ATP8B4: variants seen among roughly 807,000 people sequenced by gnomAD.
ATP8B4 encodes the protein probable phospholipid-transporting ATPase IM.
In ATP8B4, 133 loss-of-function variants were observed where a neutral mutation model predicts 145.6. The observed-to-expected ratio is 0.91, with a 90% CI of 0.79 to 1.05. ATP8B4 has a LOEUF of 1.05. Among genes scored for constraint, ATP8B4 ranks in the 50% least tolerant of loss-of-function variants. The probability of loss-of-function intolerance (pLI) is 0.00; values close to 1 mark genes in which losing one functional copy is unlikely to be tolerated. For missense variants in ATP8B4, 1,458 were observed against 1,425.2 expected (o/e 1.02, Z -0.37); for synonymous variants, 507 against 492.9 (o/e 1.03, Z -0.38).
At chr15:50,104,547 G>T (rs1182281098) in intron 2 of ATP8B4, among the ~76,000 whole-genome samples, 1 of 152,146 alleles carries the variant, frequency 6.6e-6, no homozygotes, top group Non-Finnish European at 1.5e-5. Context: ...CCTCCCTGCT[G>T]CAAGAAAGGC....
chr15:49,959,859 G>A (rs1028638136), intron 14 of ATP8B4, among the ~76,000 whole-genome samples: 7 of 151,912 alleles, frequency 4.6e-5, no homozygotes, highest in African/African-American at 1.5e-4. Flanking sequence ...ACATCATAAG[G>A]ATATTAACAC....
At chr15:50,043,411 A>AT (rs572656897) in intron 5 of ATP8B4, among the ~76,000 whole-genome samples, 132 of 151,984 alleles carry the variant, frequency 8.7e-4, no homozygotes, top group African/African-American at 3.0e-3. Flanking sequence ...TTATACACAG[A>AT]TTTTTTTTCT....
intron 20 of ATP8B4, among the ~76,000 whole-genome samples, chr15:49,906,603 T>A (rs1025203278): frequency 2.6e-5 from 4 of 152,204 alleles, no homozygotes; most frequent in African/African-American, 9.7e-5. Context: ...AACTTTTGTT[T>A]TTGAGCACCA....
intron 1 of ATP8B4, among the ~76,000 whole-genome samples, chr15:50,126,986 G>A (rs1319896581): frequency 6.6e-6 from 1 of 152,078 alleles, no homozygotes; most frequent in Non-Finnish European, 1.5e-5. Context: ...GAGGGGCCTG[G>A]CAGAAGTTAT....
rs758109737 is a variant in ATP8B4 at position 50,107,009 on chromosome 15, C to G, written c.-42-1G>C. 34 of 1,533,728 alleles carry G rather than the reference C, an allele frequency of 2.2e-5. No homozygotes were observed. The highest frequency in any genetic ancestry group is 8.8e-5 in the Admixed American group (4 of 45,448). On this transcript the variant is annotated splice_acceptor_variant, in intron 1 of 27. Coordinates refer to ENST00000284509, the MANE Select transcript of ATP8B4 (RefSeq NM_024837.4). LOFTEE classifies it low-confidence loss of function (5UTR_SPLICE). ...CACCAGGTCTCAACAGGTGGCCTAC[C>G]TAAGAAAAAGAAGTATGCATATTAG...
intron 1 of ATP8B4, among the ~76,000 whole-genome samples, chr15:50,125,386 C>T (rs1352526657): frequency 6.6e-6 from 1 of 152,170 alleles, no homozygotes; most frequent in Admixed American, 6.5e-5. Context: ...GTGAAAATTT[C>T]CTACCCCTTA....
At chr15:50,116,506 C>G (rs1401612995) in intron 1 of ATP8B4, among the ~76,000 whole-genome samples, 1 of 152,098 alleles carries the variant, frequency 6.6e-6, no homozygotes, top group African/African-American at 2.4e-5. Context: ...ATCCTCACAG[C>G]ACTAAAGACA....
intron 6 of ATP8B4, among the ~76,000 whole-genome samples, chr15:50,014,645 T>C (rs193047371): frequency 5.2e-4 from 79 of 152,306 alleles, no homozygotes; most frequent in African/African-American, 1.8e-3. Flanking sequence ...CCATGAAATA[T>C]TTGGGACACA....
At chr15:50,150,379 T>C (rs4775862) in intron 1 of ATP8B4, among the ~76,000 whole-genome samples, 121,348 of 152,142 alleles carry the variant, frequency 0.8, 49,356 homozygotes, top group East Asian at 0.93. Context: ...TTTAACACAA[T>C]GGACTCCATT....
At chr15:49,920,198 A>G in intron 18 of ATP8B4, 48 bp downstream of exon 18, 1 of 1,594,240 alleles carries the variant, frequency 6.3e-7, no homozygotes, top group Non-Finnish European at 8.6e-7. Context: ...CTCTAAACAC[A>G]TACTATCTTT....
intron 23 of ATP8B4, among the ~76,000 whole-genome samples, chr15:49,890,984 T>C (rs987987546): frequency 1.3e-5 from 2 of 152,166 alleles, no homozygotes; most frequent in African/African-American, 4.8e-5. Flanking sequence ...TTCAATGCCA[T>C]GAAGTTTTTG....
At chr15:50,150,100 CA>C (rs879461878) in intron 1 of ATP8B4, among the ~76,000 whole-genome samples, 113 of 134,640 alleles carry the variant, frequency 8.4e-4, no homozygotes, top group Non-Finnish European at 9.8e-4. Flanking sequence ...GACTCCGTCC[CA>C]AAAAAAAAAA....
At chr15:49,907,714 C>T (rs144164735) in intron 20 of ATP8B4, among the ~76,000 whole-genome samples, 1 of 152,276 alleles carries the variant, frequency 6.6e-6, no homozygotes, top group African/African-American at 2.4e-5. Flanking sequence ...GAGGTTATTC[C>T]CATATCAAAA....
At chr15:50,122,005 G>A (rs1194432078), upstream of ATP8B4, among the ~76,000 whole-genome samples, 1 of 152,066 alleles carries the variant, frequency 6.6e-6, no homozygotes, top group Non-Finnish European at 1.5e-5. Context: ...TCATCAAAAC[G>A]AAGAGATGGA....
At chr15:50,067,409 A>G (rs1485092530) in intron 3 of ATP8B4, among the ~76,000 whole-genome samples, 1 of 152,148 alleles carries the variant, frequency 6.6e-6, no homozygotes, top group Non-Finnish European at 1.5e-5. Flanking sequence ...CCTGTAGTCT[A>G]AGGTCTGACT....
rs2899440 is a variant in ATP8B4 at position 49,900,780 on chromosome 15, G to T, written c.2289+312C>A. Among the ~76,000 whole-genome samples, 6 of 152,002 alleles carry T rather than the reference G, an allele frequency of 3.9e-5. No individual in the cohort carries two copies. The East Asian group carries it at 1.2e-3, about 29-fold the overall frequency. Reference sequence around the variant, plus strand: ...TATTTTAATTAAGTAACAGTGAGCCGTAACACTCCCCTCTAGAAAGGCACT... The same window carrying T: ...TATTTTAATTAAGTAACAGTGAGCCTTAACACTCCCCTCTAGAAAGGCACT... On this transcript the variant is annotated intron_variant, in intron 21 of 27. Coordinates refer to ENST00000284509, the MANE Select transcript of ATP8B4 (RefSeq NM_024837.4).
intron 6 of ATP8B4, among the ~76,000 whole-genome samples, chr15:50,033,855 C>A (rs2050628951): frequency 6.6e-6 from 1 of 152,160 alleles, no homozygotes. Flanking sequence ...AGGATAATAC[C>A]CTCCAGCAGC....
intron 1 of ATP8B4, among the ~76,000 whole-genome samples, chr15:50,157,703 A>G (rs1426400748): frequency 1.3e-5 from 2 of 151,624 alleles, no homozygotes; most frequent in Admixed American, 1.3e-4. Flanking sequence ...TGCTTTGGGT[A>G]GTATGGACCC....
At chr15:50,067,074 G>T (rs1213004611) in intron 3 of ATP8B4, among the ~76,000 whole-genome samples, 1 of 151,840 alleles carries the variant, frequency 6.6e-6, no homozygotes, top group Non-Finnish European at 1.5e-5. Flanking sequence ...CTAACAAACT[G>T]AGTTTCCACC....
Sources: allele counts gnomAD v4.1 joint callset (sites outside exome capture counted in the v4.1 genomes callset), GRCh38; gene constraint gnomAD v4.1.1; transcripts MANE v1.5; gene names NCBI Gene and HGNC (gene_info 2026-07-23, HGNC 2026-07-21).